The following NRXN3 variants were observed in gnomAD, a reference collection of about 807,000 sequenced individuals.
The protein encoded by NRXN3 is neurexin 3.
A neutral mutation model predicts 137.6 loss-of-function variants in NRXN3; 32 were observed. The ratio of observed to expected loss-of-function variants is 0.23; its 90% confidence interval spans 0.18 to 0.31. The LOEUF (loss-of-function observed/expected upper bound fraction) is 0.31, where lower values mean the gene tolerates loss of function less well. NRXN3 is among the 10% of genes least tolerant of loss of function. The pLI, the probability that NRXN3 is intolerant of heterozygous loss-of-function variation, is 1.00. For missense variants in NRXN3, 1,574 were observed against 2,062.5 expected (o/e 0.76, Z 4.59); for synonymous variants, 798 against 784.5 (o/e 1.02, Z -0.29).
rs2098388119 is a variant in NRXN3, at chr14:78,709,628, G to A, written c.1633G>A (p.Val545Met). The A allele has an allele frequency of 6.2e-7, 1 of 1,612,920 alleles. No individual in the cohort carries two copies. The highest frequency in any genetic ancestry group is 2.2e-5 in the East Asian group (1 of 44,856). ...KKANDGEWYH[V>M]DIQRDGRSGT... ...AGCCAATGATGGGGAATGGTACCAT[G>A]TGGACATTCAGCGAGATGGCAGATC... Residue 545 changes from valine to methionine, a missense_variant, in exon 7 of 21, where the codon GTG (valine) becomes ATG (methionine). This residue lies in a region of NRXN3 where 718 missense variants were observed against 887.6 expected (regional missense o/e 0.81). Transcript: ENST00000335750.
intron 15 of NRXN3, among the ~76,000 whole-genome samples, chr14:78,994,405 A>G (rs950188545): frequency 6.6e-6 from 1 of 152,150 alleles, no homozygotes; most frequent in Non-Finnish European, 1.5e-5. Flanking sequence ...AAAAAATTAG[A>G]TTTCCCAACT....
chr14:79,123,136 T>A (rs1241310611), intron 15 of NRXN3, among the ~76,000 whole-genome samples: 1 of 152,118 alleles, frequency 6.6e-6, no homozygotes, highest in Non-Finnish European at 1.5e-5. Flanking sequence ...AGACTCCTCA[T>A]GGAAAAAGCC....
chr14:78,543,503 G>A (rs1413326457), intron 4 of NRXN3, among the ~76,000 whole-genome samples: 1 of 151,930 alleles, frequency 6.6e-6, no homozygotes, highest in Non-Finnish European at 1.5e-5. Context: ...GCTGAGACTT[G>A]GAGCCTTGGG....
At position 79,702,740 on chromosome 14, in the gene NRXN3, C is replaced by CACAA. The variant is rs771693793; in HGVS notation, c.4014+4807_4014+4810dup. ...ACTACCAGGAATGCCCCAATAATTG[C>CACAA]ACAAACACTTCCTCTACAACTGACT... On this transcript the variant is annotated intron_variant, in intron 19 of 20. Coordinates refer to ENST00000335750, the MANE Select transcript of NRXN3 (RefSeq NM_001330195.2). Among the ~76,000 whole-genome samples, 4 of 152,100 alleles carry CACAA rather than the reference C, an allele frequency of 2.6e-5. No homozygotes were observed. The South Asian group carries it at 8.3e-4, about 32-fold the overall frequency.
At chr14:79,438,681 A>G (rs1011145227) in intron 15 of NRXN3, among the ~76,000 whole-genome samples, 1 of 152,246 alleles carries the variant, frequency 6.6e-6, no homozygotes, top group African/African-American at 2.4e-5. Context: ...GCTATTTTAA[A>G]CAAATATGTG....
intron 19 of NRXN3, among the ~76,000 whole-genome samples, chr14:79,765,057 C>A (rs118167321): frequency 3.3e-5 from 5 of 152,184 alleles, no homozygotes; most frequent in Admixed American, 3.3e-4. Context: ...CATTCATGCA[C>A]ACCACACAAC....
intron 4 of NRXN3, among the ~76,000 whole-genome samples, chr14:78,584,092 G>A (rs889191998): frequency 5.9e-5 from 9 of 152,152 alleles, no homozygotes; most frequent in Non-Finnish European, 8.8e-5. Context: ...TCTATTAGGA[G>A]GTGGGGTCAT....
intron 19 of NRXN3, among the ~76,000 whole-genome samples, chr14:79,704,905 G>C (rs1313476791): frequency 6.6e-6 from 1 of 152,148 alleles, no homozygotes; most frequent in African/African-American, 2.4e-5. Context: ...TAAAGACTTA[G>C]ATGTTGGCAG....
intron 10 of NRXN3, among the ~76,000 whole-genome samples, chr14:78,947,876 A>G (rs2099370057): frequency 6.6e-6 from 1 of 152,156 alleles, no homozygotes; most frequent in African/African-American, 2.4e-5. Flanking sequence ...ATGGGAAGCA[A>G]TCTATCTGTG....
At chr14:78,298,390 G>A (rs1340361742) in intron 4 of NRXN3, among the ~76,000 whole-genome samples, 1 of 152,128 alleles carries the variant, frequency 6.6e-6, no homozygotes, top group Non-Finnish European at 1.5e-5. Flanking sequence ...TTATATAAAA[G>A]CAAAAACCAC....
intron 10 of NRXN3, among the ~76,000 whole-genome samples, chr14:78,855,768 T>C (rs1176271069): frequency 6.6e-6 from 1 of 152,236 alleles, no homozygotes; most frequent in Non-Finnish European, 1.5e-5. Context: ...TTCATGATTG[T>C]ATACCTTCCT....
rs117896927 is a variant in NRXN3, at chr14:78,900,665, G to A, written c.2276-56577G>A. On this transcript the variant is annotated intron_variant, in intron 10 of 20. Coordinates refer to ENST00000335750, the MANE Select transcript of NRXN3 (RefSeq NM_001330195.2). Reference sequence around the variant, plus strand: ...ATCAATGTTTTCATACCTTACAGATGCCCTTCACTTTAAATAAAGATTTCC... The same window carrying A: ...ATCAATGTTTTCATACCTTACAGATACCCTTCACTTTAAATAAAGATTTCC... Among the ~76,000 whole-genome samples the A allele has an allele frequency of 1.9e-4, 29 of 151,970 alleles. No individual in the cohort carries two copies. In the East Asian group the frequency reaches 5.6e-3, roughly 30 times the overall value.
chr14:79,072,278 TA>T, intron 15 of NRXN3: 1 of 152,336 alleles, frequency 6.6e-6, no homozygotes. Context: ...CAAGCCAATC[TA>T]AACAAATTGC....
At chr14:78,250,527 C>G (rs1482476837) in intron 2 of NRXN3, among the ~76,000 whole-genome samples, 1 of 152,216 alleles carries the variant, frequency 6.6e-6, no homozygotes, top group Non-Finnish European at 1.5e-5. Flanking sequence ...ATTCCATTTG[C>G]TCCTGCCCAA....
intron 4 of NRXN3, among the ~76,000 whole-genome samples, chr14:78,511,152 C>G (rs1233340349): frequency 6.6e-6 from 1 of 152,070 alleles, no homozygotes; most frequent in Non-Finnish European, 1.5e-5. Context: ...ACAACAACAG[C>G]AGCAGCAACA....
chr14:78,236,740 T>G (rs199652367), intron 1 of NRXN3, among the ~76,000 whole-genome samples: 1 of 87,380 alleles, frequency 1.1e-5, no homozygotes, highest in East Asian at 3.2e-4. Context: ...CCCCCCCCCC[T>G]TTTTTTTGAT....
chr14:78,748,989 G>A (rs2098628190), intron 8 of NRXN3, among the ~76,000 whole-genome samples: 1 of 152,150 alleles, frequency 6.6e-6, no homozygotes, highest in South Asian at 2.1e-4. Flanking sequence ...GCAGTGTGAG[G>A]CATAACGACC....
intron 16 of NRXN3, among the ~76,000 whole-genome samples, chr14:79,484,690 G>T (rs986849588): frequency 6.6e-6 from 1 of 152,104 alleles, no homozygotes; most frequent in Non-Finnish European, 1.5e-5. Flanking sequence ...ACAATTTGGG[G>T]TCATACCTTC....
chr14:79,326,657 A>C (rs2090920195), intron 15 of NRXN3, among the ~76,000 whole-genome samples: 1 of 152,190 alleles, frequency 6.6e-6, no homozygotes, highest in Admixed American at 6.5e-5. Flanking sequence ...TCTTTACTCT[A>C]GGTGCCCAGA....
Sources: gnomAD v4.1 joint callset for allele counts (sites outside exome capture counted in the v4.1 genomes callset) on GRCh38, gnomAD v4.1.1 for gene constraint, gnomAD v4.1.1 regional missense constraint, MANE v1.5 for transcripts, NCBI Gene and HGNC (gene_info 2026-07-23, HGNC 2026-07-21) for gene names.